Variants in GEMIN5 observed in about 807,000 individuals in gnomAD.
GEMIN5 encodes gem-associated protein 5.
Under a neutral mutation model 176.9 loss-of-function variants are expected in GEMIN5, and 124 were observed. The observed-to-expected ratio is 0.70, with a 90% CI of 0.61 to 0.81. GEMIN5 has a LOEUF of 0.81. Ranked by LOEUF, GEMIN5 falls within the 40% of genes least tolerant of loss-of-function variation. The pLI is 0.00. For synonymous variants in GEMIN5, 673 were observed against 665.2 expected, an observed-to-expected ratio of 1.01 and a Z score of -0.18; for missense variants, 1,843 against 1,814.6, an observed-to-expected ratio of 1.02 and a Z score of -0.28.
chr5:154,934,470 C>T (rs1764225689), intron 3 of GEMIN5, among the ~76,000 whole-genome samples: 2 of 152,146 alleles, frequency 1.3e-5, no homozygotes, highest in Non-Finnish European at 2.9e-5. Flanking sequence ...CACCACTGCA[C>T]CTGGCCTGAT....
rs1466266022 is a variant in GEMIN5, at chr5:154,920,011, C to T, written c.1555G>A (p.Ala519Thr). 3 of 1,613,652 alleles carry T rather than the reference C, an allele frequency of 1.9e-6. No homozygotes were observed. The highest frequency in any genetic ancestry group is 1.7e-6 in the Non-Finnish European group (2 of 1,179,666). The change falls in exon 11 of 28, where the codon GCC becomes ACC. Residue 519 changes from alanine to threonine, a missense_variant. Coordinates refer to ENST00000285873, the MANE Select transcript of GEMIN5 (RefSeq NM_015465.5). ...QHNPWKLSGE[A>T]FDINKLIRDT... ...CTGATGAGTTTGTTGATGTCAAAGG[C>T]TTCTCCACTAAGCTTCCAGGGATTA...
At chr5:154,933,746 C>CT (rs1364730604) in intron 3 of GEMIN5, among the ~76,000 whole-genome samples, 1 of 152,060 alleles carries the variant, frequency 6.6e-6, no homozygotes, top group Non-Finnish European at 1.5e-5. Flanking sequence ...ACTTTGAAAA[C>CT]TGCCAAGTTA....
intron 12 of GEMIN5, 82 bp from the exon 13 acceptor site, chr5:154,917,261 G>A (rs1048210698): frequency 1.7e-5 from 12 of 686,300 alleles, no homozygotes; most frequent in Non-Finnish European, 4.6e-6. Flanking sequence ...CCCTCATTCC[G>A]TCAGTCAAGG....
intron 24 of GEMIN5, among the ~76,000 whole-genome samples, chr5:154,894,103 C>A (rs1040643915): frequency 6.6e-6 from 1 of 152,040 alleles, no homozygotes; most frequent in African/African-American, 2.4e-5. Flanking sequence ...TGCTACCACA[C>A]CCGGCTAATT....
chr5:154,929,260 G>A (rs1764110010), intron 5 of GEMIN5, among the ~76,000 whole-genome samples: 1 of 152,162 alleles, frequency 6.6e-6, no homozygotes, highest in Non-Finnish European at 1.5e-5. Context: ...GGGAAAATGA[G>A]TTCCCAAGTA....
chr5:154,934,675 T>G (rs1764231227), intron 3 of GEMIN5, among the ~76,000 whole-genome samples: 2 of 152,148 alleles, frequency 1.3e-5, no homozygotes, highest in Non-Finnish European at 2.9e-5. Flanking sequence ...TCAAGAGTAC[T>G]TACTCCACAA....
rs534033737 is a variant in GEMIN5 at position 154,891,114 on chromosome 5, G to A, written c.4262+127C>T. ...TCTCGCTTTTTTGCCCGGGCTGGTG[G>A]TGAACTCCTGGGCCAAGTGATCCTC... On this transcript the variant is annotated intron_variant, in intron 26 of 27. Coordinates refer to ENST00000285873, the MANE Select transcript of GEMIN5 (RefSeq NM_015465.5). 6.8e-5 allele frequency: 45 copies of A among 662,872 alleles called. No individual in the cohort carries two copies. The South Asian group carries it at 1.2e-3, about 17-fold the overall frequency. The allele number at this position is 662,872 out of a possible 1,614,324, so 41.1% of individuals were successfully genotyped here.
At position 154,893,255 on chromosome 5, in the gene GEMIN5, TAAAAAAAAAAAAAAAAA is replaced by T. The variant is rs70981957; in HGVS notation, c.3598-723_3598-707del. Among the ~76,000 whole-genome samples the T allele has an allele frequency of 2.7e-3, 233 of 85,690 alleles. 9 individuals are homozygous for T. In the East Asian group the frequency reaches 0.07, roughly 26 times the overall value. The allele number at this position is 85,690 out of a possible 152,430, so 56.2% of individuals were successfully genotyped here. ...ATCACCCGAGGTGAAAGCCCGTCTCTAAAAAAAAAAAAAAAAAAAAAAAAATTAGCCGGGCTTGGTGG... is the reference window on the plus strand; with the variant it reads ...ATCACCCGAGGTGAAAGCCCGTCTCTAAAAAAAATTAGCCGGGCTTGGTGG... On this transcript the variant is annotated intron_variant, in intron 24 of 27. Coordinates refer to ENST00000285873, the MANE Select transcript of GEMIN5 (RefSeq NM_015465.5).
intron 15 of GEMIN5, among the ~76,000 whole-genome samples, chr5:154,908,431 T>C (rs1268685595): frequency 6.6e-6 from 1 of 152,136 alleles, no homozygotes; most frequent in Non-Finnish European, 1.5e-5. Context: ...TCTGCCTGCC[T>C]CGGCCTCCCA....
In GEMIN5 at chr5:154,917,018, T is replaced by G; in HGVS notation, c.1835A>C (p.His612Pro). The stretch of plus-strand genomic sequence containing the variant: ...GTTACCTATGACAGTCTTCAGGTTG[T>G]GCACGTAAATGACTGCATTGTTGGA... ...SGSNNAVIYV[H>P]NLKTVIESSP... Residue 612 changes from histidine (H) to proline (P), a missense_variant, in exon 13 of 28, where the codon CAC becomes CCC. Transcript: ENST00000285873. The G allele has an allele frequency of 6.3e-7, 1 of 1,590,828 alleles. No homozygotes were observed. Among genetic ancestry groups the G allele is most frequent in the Non-Finnish European group, 8.6e-7 (1 of 1,162,716 alleles).
intron 13 of GEMIN5, among the ~76,000 whole-genome samples, chr5:154,913,554 C>T (rs1172351018): frequency 1.3e-5 from 2 of 152,056 alleles, no homozygotes; most frequent in African/African-American, 2.4e-5. Context: ...CCAGGCGTGT[C>T]GGCTCACGCC....
chr5:154,906,109 T>A (rs1763562342), intron 16 of GEMIN5, among the ~76,000 whole-genome samples: 1 of 151,996 alleles, frequency 6.6e-6, no homozygotes, highest in Admixed American at 6.6e-5. Context: ...GATCCTCCCC[T>A]CCTCAGCCTC....
chr5:154,912,629 TAGTG>T (rs1763725667), intron 14 of GEMIN5, among the ~76,000 whole-genome samples: 1 of 152,092 alleles, frequency 6.6e-6, no homozygotes. Flanking sequence ...ACCATACTGA[TAGTG>T]AGTCAGAATG....
At chr5:154,916,549 G>A (rs1425306325) in intron 13 of GEMIN5, among the ~76,000 whole-genome samples, 1 of 152,052 alleles carries the variant, frequency 6.6e-6, no homozygotes, top group Non-Finnish European at 1.5e-5. Flanking sequence ...GTGCAGTGGT[G>A]CAAATATAGC....
chr5:154,932,309 T>A, intron 3 of GEMIN5, 59 bp from the exon 4 acceptor site: 1 of 1,323,756 alleles, frequency 7.6e-7, no homozygotes, highest in African/African-American at 1.5e-5. Context: ...GAGTCTCTAG[T>A]AAACATTTTG....
In GEMIN5 at chr5:154,917,979, A is replaced by T. The variant is rs1365483918; in HGVS notation, c.1625T>A (p.Ile542Lys). ...GATTTTGCCATCTGCTTTCCAACTT[A>T]TCTCTGTGTGTACAGGCAATTTGTA... ...IKYKLPVHTE[I>K]SWKADGKIMA... The change falls in exon 12 of 28, where the codon ATA (isoleucine) becomes AAA (lysine). Residue 542 changes from isoleucine to lysine, a missense_variant. Physicochemically the swap from Ile to Lys is moderately radical, Grantham distance 102. Transcript: ENST00000285873. The T allele has an allele frequency of 3.1e-6, 5 of 1,611,804 alleles. No homozygotes were observed. The highest frequency in any genetic ancestry group is 4.2e-6 in the Non-Finnish European group (5 of 1,178,170).
intron 11 of GEMIN5, among the ~76,000 whole-genome samples, chr5:154,918,821 C>G (rs1763862860): frequency 6.6e-6 from 1 of 151,772 alleles, no homozygotes. Flanking sequence ...TGGGGTGGAT[C>G]ACTTGAGGCC....
chr5:154,914,936 C>T (rs913638678), intron 13 of GEMIN5, among the ~76,000 whole-genome samples: 17 of 152,032 alleles, frequency 1.1e-4, no homozygotes, highest in African/African-American at 3.4e-4. Flanking sequence ...AAAGTATATG[C>T]GATTTCTTTG....
chr5:154,908,039 T>C (rs1763608046), intron 15 of GEMIN5, among the ~76,000 whole-genome samples: 1 of 152,086 alleles, frequency 6.6e-6, no homozygotes, highest in African/African-American at 2.4e-5. Flanking sequence ...AATATTTTAG[T>C]GTGTGTCTTA....
Sources: gnomAD v4.1 joint callset for allele counts (sites outside exome capture counted in the v4.1 genomes callset) on GRCh38, gnomAD v4.1.1 for gene constraint, MANE v1.5 for transcripts, NCBI Gene and HGNC (gene_info 2026-07-23, HGNC 2026-07-21) for gene names.